PSD3: variants seen among roughly 807,000 people sequenced by gnomAD.
The protein encoded by PSD3 is PH and SEC7 domain-containing protein 3.
PSD3 carries 49 observed loss-of-function variants against 105.5 expected under a neutral mutation model. The observed-to-expected ratio is 0.46, with a 90% CI of 0.37 to 0.59. The LOEUF (loss-of-function observed/expected upper bound fraction) is 0.59. Among genes scored for constraint, PSD3 ranks in the 20% least tolerant of loss-of-function variants. The pLI is 0.00. For synonymous variants in PSD3, 557 were observed against 457.8 expected (o/e 1.22, Z -2.77); for missense variants, 1,561 against 1,263.8 (o/e 1.24, Z -3.57).
chr8:18,762,782 G>A, intron 9 of PSD3: 1 of 453,686 alleles, frequency 2.2e-6, no homozygotes, highest in Non-Finnish European at 3.5e-6. Context: ...CTGAATTGAA[G>A]GACTGTACAC....
At chr8:18,977,614 T>C (rs1170605689) in intron 1 of PSD3, among the ~76,000 whole-genome samples, 1 of 152,180 alleles carries the variant, frequency 6.6e-6, no homozygotes, top group Non-Finnish European at 1.5e-5. Flanking sequence ...TATTCTGATA[T>C]GAGAGATGTA....
chr8:18,894,798 C>T (rs1417887644), intron 2 of PSD3, among the ~76,000 whole-genome samples: 2 of 152,264 alleles, frequency 1.3e-5, no homozygotes, highest in South Asian at 4.1e-4. Context: ...TAAACCATAA[C>T]CAGGAGAAGC....
intron 14 of PSD3, among the ~76,000 whole-genome samples, chr8:18,561,392 T>C (rs1418654277): frequency 2.6e-5 from 4 of 152,190 alleles, no homozygotes; most frequent in African/African-American, 7.2e-5. Flanking sequence ...AGACAGATAT[T>C]GGATGATCTC....
chr8:19,034,199 T>C (rs1181163956), intron 1 of PSD3, among the ~76,000 whole-genome samples: 1 of 152,196 alleles, frequency 6.6e-6, no homozygotes, highest in East Asian at 1.9e-4. Flanking sequence ...GATAAAAGTC[T>C]ACAAGAGAAA....
chr8:18,748,660 CAAAAAAAAAAAA>C (rs760372508), intron 9 of PSD3, among the ~76,000 whole-genome samples: 1 of 54,752 alleles, frequency 1.8e-5, no homozygotes, highest in African/African-American at 6.8e-5. Flanking sequence ...ACTCCGTCTC[CAAAAAAAAAAAA>C]AAAAAAAAGA....
chr8:18,734,315 A>C (rs1803989995), intron 9 of PSD3: 1 of 152,256 alleles, frequency 6.6e-6, no homozygotes, highest in South Asian at 2.1e-4. Context: ...TTTTCAATGA[A>C]ATTCATGTAT....
intron 4 of PSD3, among the ~76,000 whole-genome samples, chr8:18,811,687 G>A (rs912004540): frequency 1.3e-5 from 2 of 152,114 alleles, no homozygotes; most frequent in East Asian, 1.9e-4. Flanking sequence ...AGCATTCCAA[G>A]CCCAGAGAAG....
chr8:18,530,453 C>T lies in PSD3; in HGVS notation c.*5290G>A, dbSNP rs190111341. ...CTTGTGATATTTCTTCCAAGTCAAG[C>T]GAGTACGGATGCGGCACCACGAGAG... On this transcript the variant is annotated 3_prime_UTR_variant, in exon 16 of 16. Transcript: ENST00000327040. The T allele has an allele frequency of 4.4e-3, 664 of 152,636 alleles. 2 individuals carry two copies. The highest frequency in any genetic ancestry group is 0.017 in the Middle Eastern group (5 of 294). 9.5% of individuals were successfully genotyped at this position (152,636 alleles called of 1,614,324 possible).
chr8:18,576,975 G>T (rs1802499429), intron 12 of PSD3, among the ~76,000 whole-genome samples: 1 of 149,900 alleles, frequency 6.7e-6, no homozygotes, highest in African/African-American at 2.5e-5. Flanking sequence ...ATATTTTGTT[G>T]TTGTTTGAAT....
intron 9 of PSD3, among the ~76,000 whole-genome samples, chr8:18,742,747 T>G (rs542099553): frequency 1.3e-5 from 2 of 152,202 alleles, no homozygotes; most frequent in African/African-American, 2.4e-5. Context: ...TCAGGAATTA[T>G]TTATTACTGG....
chr8:18,554,888 A>G lies in PSD3; in HGVS notation c.2928+1321T>C, dbSNP rs551712442. On this transcript the variant is annotated intron_variant, in intron 15 of 15. Coordinates refer to ENST00000327040, the MANE Select transcript of PSD3 (RefSeq NM_015310.4). The stretch of plus-strand genomic sequence containing the variant: ...ACTGTCAGAAATGAAGATGATGGGA[A>G]GAGCATCTTAGGCAGAGGAAAGTAA... Among the ~76,000 whole-genome samples the G allele has an allele frequency of 2.0e-5, 3 of 152,326 alleles. No individual in the cohort carries two copies. In the East Asian group the frequency reaches 5.8e-4, roughly 29 times the overall value.
intron 2 of PSD3, among the ~76,000 whole-genome samples, chr8:18,934,798 T>A (rs1822000077): frequency 6.6e-6 from 1 of 152,172 alleles, no homozygotes; most frequent in African/African-American, 2.4e-5. Flanking sequence ...CAGAGAATAT[T>A]AACCACATGC....
intron 9 of PSD3, among the ~76,000 whole-genome samples, chr8:18,745,863 T>G (rs1169185369): frequency 6.6e-6 from 1 of 152,232 alleles, no homozygotes; most frequent in Admixed American, 6.5e-5. Flanking sequence ...TCCTTATTCA[T>G]AATTTCTTTC....
chr8:18,732,577 T>C (rs143553953), intron 9 of PSD3, among the ~76,000 whole-genome samples: 19 of 152,214 alleles, frequency 1.2e-4, no homozygotes, highest in African/African-American at 4.1e-4. Flanking sequence ...CTGGAGCACC[T>C]TGATGCTCCT....
At chr8:18,793,419 A>G (rs904508022) in intron 8 of PSD3, among the ~76,000 whole-genome samples, 5 of 151,470 alleles carry the variant, frequency 3.3e-5, no homozygotes, top group African/African-American at 1.2e-4. Context: ...TCTGTGCAGC[A>G]AACCACGTTG....
chr8:18,867,623 G>T (rs1251412729), intron 4 of PSD3, 51 bp downstream of exon 4: 5 of 1,530,294 alleles, frequency 3.3e-6, no homozygotes, highest in South Asian at 1.3e-5. Context: ...TCCCAGAAAA[G>T]AAATCCTACA....
At chr8:19,055,973 C>T (rs1828696651) in intron 1 of PSD3, among the ~76,000 whole-genome samples, 2 of 152,224 alleles carry the variant, frequency 1.3e-5, no homozygotes, top group South Asian at 4.1e-4. Context: ...CTGCTACACA[C>T]CTCCTTAAAG....
intron 14 of PSD3, among the ~76,000 whole-genome samples, chr8:18,567,610 G>C (rs773716452): frequency 2.0e-5 from 3 of 152,144 alleles, no homozygotes; most frequent in Non-Finnish European, 1.5e-5. Flanking sequence ...TGATAATTAT[G>C]AATTAAAAAC....
chr8:18,912,883 A>G (rs1820326421), intron 2 of PSD3, among the ~76,000 whole-genome samples: 1 of 152,146 alleles, frequency 6.6e-6, no homozygotes, highest in African/African-American at 2.4e-5. Flanking sequence ...TTAGCTTGAG[A>G]GAAACAGTTA....
Sources: allele counts gnomAD v4.1 joint callset (sites outside exome capture counted in the v4.1 genomes callset), GRCh38; gene constraint gnomAD v4.1.1; transcripts MANE v1.5; gene names NCBI Gene and HGNC (gene_info 2026-07-23, HGNC 2026-07-21).